The following MZB1 variants were observed in gnomAD, a reference collection of about 807,000 sequenced individuals.
The protein encoded by MZB1 is marginal zone B and B1 cell specific protein, also known as marginal zone B- and B1-cell-specific protein.
MZB1 carries 10 observed loss-of-function variants against 17.2 expected under a neutral mutation model. The observed-to-expected ratio is 0.58, with a 90% CI of 0.36 to 0.98. The LOEUF is 0.98. MZB1 is among the 50% of genes least tolerant of loss of function. MZB1 has a pLI of 0.01. For synonymous variants in MZB1, 99 were observed against 98.7 expected (o/e 1.00, Z -0.02); for missense variants, 246 against 237.5 (o/e 1.04, Z -0.23).
intron 1 of MZB1, 99 bp from the exon 2 acceptor site, chr5:139,388,684 G>A (rs1470051667): frequency 6.6e-7 from 1 of 1,515,942 alleles, no homozygotes; most frequent in Non-Finnish European, 8.9e-7. Flanking sequence ...AAAATAAAGT[G>A]GCAAGAGAGC....
In MZB1 at chr5:139,389,677, C is replaced by T. The variant is rs200017569; in HGVS notation, c.177+3G>A. On this transcript the variant is annotated splice_donor_region_variant and intron_variant, in intron 1 of 3. Transcript: ENST00000302125. ...GGCAGGGTGACAGTGGTGAAGGACT[C>T]ACCTGGTAAGCCACAGCTCTGCAGG... 90 of 1,587,574 alleles carry T rather than the reference C, an allele frequency of 5.7e-5. No homozygotes were observed. In the African/African-American group the frequency reaches 1.0e-3, roughly 18 times the overall value.
Position 139,387,791 on chromosome 5 carries a change from C to A in MZB1, c.544G>T (p.Val182Leu). ...GGPQGACSEK[V>L]SATREEL ...TAGAGCTCTTCTCTTGTGGCTGACA[C>A]CTTCTCTGAGCAGGCCCCCTGGGGT... The change falls in exon 4 of 4, where the codon GTG (valine) becomes TTG (leucine). Residue 182 changes from valine to leucine, a missense_variant. Val to Leu is a conservative substitution (Grantham distance 32). Coordinates refer to ENST00000302125, the MANE Select transcript of MZB1 (RefSeq NM_016459.4). 3 of 1,555,254 alleles carry A rather than the reference C, an allele frequency of 1.9e-6. No individual in the cohort carries two copies. Among genetic ancestry groups the A allele is most frequent in the South Asian group, 1.2e-5 (1 of 80,260 alleles).
chr5:139,388,811 G>A, intron 1 of MZB1: 1 of 571,856 alleles, frequency 1.7e-6, no homozygotes, highest in Non-Finnish European at 2.9e-6. Context: ...GTGAGGCCTG[G>A]GCACTGGGGT....
chr5:139,388,947 T>C, intron 1 of MZB1: 1 of 206,178 alleles, frequency 4.9e-6, no homozygotes, highest in South Asian at 7.2e-5. Flanking sequence ...CTCAGCTCAC[T>C]GCAGCCTCCA....
chr5:139,389,286 TCAG>T, intron 1 of MZB1: 3 of 401,422 alleles, frequency 7.5e-6, no homozygotes, highest in South Asian at 5.7e-5. Context: ...GCAGGCATGC[TCAG>T]CAGGTGTGTG....
In MZB1 at chr5:139,388,045, A is replaced by T; in HGVS notation, c.389T>A (p.Val130Asp). 6.4e-7 allele frequency: 1 copy of T among 1,555,868 alleles called. No homozygotes were observed. The highest frequency in any genetic ancestry group is 1.2e-5 in the South Asian group (1 of 84,554). ...CCTGGTAGGCCAGGGGCCCCCTGTG[A>T]CCATCACGCTGATGCTTGGCTCTGG... is the stretch of plus-strand genomic sequence containing the variant. The part of the protein sequence containing the change: ...EGPEPSISVM[V>D]TGGPWPTRLS... The change falls in exon 3 of 4, where the codon GTC (valine) becomes GAC (aspartate). Residue 130 changes from valine (V) to aspartate (D), a missense_variant. Transcript: ENST00000302125.
chr5:139,388,643 G>A, intron 1 of MZB1, 58 bp from the exon 2 acceptor site: 2 of 1,583,938 alleles, frequency 1.3e-6, no homozygotes, highest in Non-Finnish European at 1.7e-6. Flanking sequence ...GTTAGGGGGA[G>A]GTGGGGAGGA....
chr5:139,387,810 C>T lies in MZB1; in HGVS notation c.525G>A (p.Gln175=). Residue 175 remains glutamine (Q), a synonymous_variant, in exon 4 of 4, where the codon CAG becomes CAA. Transcript: ENST00000302125. Reference sequence around the variant, plus strand: ...CTGACACCTTCTCTGAGCAGGCCCCCTGGGGTCCCCCACATAGCAATGCCT... The same window carrying T: ...CTGACACCTTCTCTGAGCAGGCCCCTTGGGGTCCCCCACATAGCAATGCCT... The part of the protein sequence containing the change: ...ALEALLCGGP[Q]GACSEKVSAT... 1 of 1,582,976 alleles carries T rather than the reference C, an allele frequency of 6.3e-7. No homozygotes were observed.
At chr5:139,388,344 T>C in intron 2 of MZB1, 117 bp downstream of exon 2, 1 of 1,245,300 alleles carries the variant, frequency 8.0e-7, no homozygotes. Context: ...AGCCAGCCCC[T>C]CCCTTGGACC....
chr5:139,388,729 T>A, intron 1 of MZB1, 144 bp from the exon 2 acceptor site: 1 of 1,352,796 alleles, frequency 7.4e-7, no homozygotes, highest in Non-Finnish European at 9.8e-7. Context: ...GGCTGTTGCA[T>A]GGCCCCTCCC....
intron 1 of MZB1, 58 bp downstream of exon 1, chr5:139,389,622 G>C (rs1758576775): frequency 6.5e-7 from 1 of 1,531,400 alleles, no homozygotes; most frequent in Middle Eastern, 1.7e-4. Flanking sequence ...GGTGGGTGGA[G>C]GGGTCTGGCT....
intron 1 of MZB1, chr5:139,389,329 G>A: frequency 2.0e-6 from 1 of 510,316 alleles, no homozygotes; most frequent in Non-Finnish European, 3.8e-6. Context: ...ATACTCACGT[G>A]CAGGCGCTCA....
In MZB1 at chr5:139,389,092, G is replaced by A. The variant is rs978282195; in HGVS notation, c.178-507C>T. The A allele has an allele frequency of 5.1e-5, 11 of 215,132 alleles. 1 individual carries two copies. The highest frequency in any genetic ancestry group is 4.4e-4 in the Admixed American group (8 of 18,340). The allele number at this position is 215,132 out of a possible 1,614,324, so 13.3% of individuals were successfully genotyped here. A position where few individuals can be genotyped will look rare whatever the true frequency, so the allele number is the denominator to read the frequency against. On this transcript the variant is annotated intron_variant, in intron 1 of 3. Transcript: ENST00000302125. Reference sequence around the variant, plus strand: ...TCACCATGTTGGCCAGGCTGGTCTCGAACTCCTGAGTTCAGGCGATCGGCC... The same window carrying A: ...TCACCATGTTGGCCAGGCTGGTCTCAAACTCCTGAGTTCAGGCGATCGGCC...
Position 139,389,683 on chromosome 5 carries a change from G to C in MZB1, c.174C>G (p.Tyr58Ter), listed in dbSNP as rs1410937918. 1.3e-6 allele frequency: 2 copies of C among 1,588,282 alleles called. No homozygotes were observed. Among genetic ancestry groups the C allele is most frequent in the African/African-American group, 1.3e-5 (1 of 74,430 alleles). The part of the protein sequence containing the change: ...LRCDACRAVA[Y>*]QMWQNLAKAE... Reference sequence around the variant, plus strand: ...GTGACAGTGGTGAAGGACTCACCTGGTAAGCCACAGCTCTGCAGGCATCAC... The same window carrying C: ...GTGACAGTGGTGAAGGACTCACCTGCTAAGCCACAGCTCTGCAGGCATCAC... Residue 58 changes from tyrosine to a stop codon, truncating the protein, a stop_gained, in exon 1 of 4, where the codon TAC (tyrosine) becomes TAG (stop). Transcript: ENST00000302125. LOFTEE classifies it high-confidence loss of function.
chr5:139,388,866 TTTTA>T (rs748961371), intron 1 of MZB1: 9 of 282,472 alleles, frequency 3.2e-5, no homozygotes, highest in African/African-American at 4.4e-5. Flanking sequence ...GTCATTTTAT[TTTTA>T]TTTATTTATT....
In MZB1 at chr5:139,387,743, C is replaced by T. The variant is rs1758538364; in HGVS notation, c.*22G>A. 1 of 1,499,582 alleles carries T rather than the reference C, an allele frequency of 6.7e-7. No homozygotes were observed. Among genetic ancestry groups the T allele is most frequent in the Non-Finnish European group, 8.8e-7 (1 of 1,130,066 alleles). The allele number at this position is 1,499,582 out of a possible 1,614,324, so 92.9% of individuals were successfully genotyped here. A position where few individuals can be genotyped will look rare whatever the true frequency, so the allele number is the denominator to read the frequency against. On this transcript the variant is annotated 3_prime_UTR_variant, in exon 4 of 4. Transcript: ENST00000302125. ...CGTCAGAGCAAGCCCCAGCTTCTTT[C>T]AGAGGAGGGTAGAGTCCAGGACTAG... is the stretch of plus-strand genomic sequence containing the variant.
intron 1 of MZB1, 166 bp downstream of exon 1, chr5:139,389,514 G>C: frequency 1.1e-6 from 1 of 875,406 alleles, no homozygotes; most frequent in Non-Finnish European, 1.8e-6. Flanking sequence ...TAGGCAGGCA[G>C]ATGGGTAAAC....
chr5:139,388,264 C>A, intron 2 of MZB1, 133 bp from the exon 3 acceptor site: 1 of 1,090,312 alleles, frequency 9.2e-7, no homozygotes. Flanking sequence ...CCCAAGGTCA[C>A]AAGGTGACCT....
At position 139,389,797 on chromosome 5, in the gene MZB1, G is replaced by A; in HGVS notation, c.60C>T (p.Gly20=). 1 of 1,551,186 alleles carries A rather than the reference G, an allele frequency of 6.4e-7. No homozygotes were observed. Among genetic ancestry groups the A allele is most frequent in the Non-Finnish European group, 8.7e-7 (1 of 1,147,276 alleles). Residue 20 remains glycine, a synonymous_variant, in exon 1 of 4, where the codon GGC becomes GGT. Coordinates refer to ENST00000302125, the MANE Select transcript of MZB1 (RefSeq NM_016459.4). ...LLLGAWAIPG[G]LGDRAPLTAT... The stretch of plus-strand genomic sequence containing the variant: ...CTGTGAGTGGCGCCCTGTCCCCGAG[G>A]CCCCCTGGGATGGCCCAGGCTCCCA...
Sources: gnomAD v4.1 joint callset for allele counts on GRCh38, gnomAD v4.1.1 for gene constraint, MANE v1.5 for transcripts, NCBI Gene and HGNC (gene_info 2026-07-23, HGNC 2026-07-21) for gene names.